The following CACNA1I variants were observed in gnomAD, a reference collection of about 807,000 sequenced individuals.
The protein encoded by CACNA1I is calcium voltage-gated channel subunit alpha1 I.
Under a neutral mutation model 201.6 loss-of-function variants are expected in CACNA1I, and 74 were observed. That is an observed-to-expected ratio of 0.37 (90% CI 0.30 to 0.45). The LOEUF is 0.45. Ranked by LOEUF, CACNA1I falls within the 20% of genes least tolerant of loss-of-function variation. The probability of loss-of-function intolerance (pLI) is 1.00; values close to 1 mark genes in which losing one functional copy is unlikely to be tolerated. For missense variants in CACNA1I, 2,346 were observed against 3,138.1 expected (o/e 0.75, Z 6.03); for synonymous variants, 1,431 against 1,345.2 (o/e 1.06, Z -1.40).
chr22:39,613,005 C>T (rs1387547439), intron 3 of CACNA1I, among the ~76,000 whole-genome samples: 3 of 152,186 alleles, frequency 2.0e-5, no homozygotes, highest in Non-Finnish European at 4.4e-5. Flanking sequence ...GCTTCCCTTC[C>T]ATTAGCTACA....
intron 32 of CACNA1I, 70 bp downstream of exon 32, chr22:39,679,515 G>C: frequency 8.4e-7 from 1 of 1,184,274 alleles, no homozygotes; most frequent in Non-Finnish European, 1.1e-6. Flanking sequence ...GGGCAGCAGG[G>C]CCAGGGAGGC....
At chr22:39,673,528 A>T (rs981034137) in intron 28 of CACNA1I, among the ~76,000 whole-genome samples, 10 of 152,184 alleles carry the variant, frequency 6.6e-5, no homozygotes, top group Non-Finnish European at 1.3e-4. Flanking sequence ...TTCTTTTAAA[A>T]GCCTCCTGCC....
chr22:39,600,662 C>G lies in CACNA1I; in HGVS notation c.482+9C>G, dbSNP rs780864915. On this transcript the variant is annotated intron_variant, in intron 3 of 36. Coordinates refer to ENST00000402142, the MANE Select transcript of CACNA1I (RefSeq NM_021096.4). ...TTCATCGTCATGGCAGGGTAGGTAG[C>G]GCCCGCCAGGCAGGTCCTAGCCTCT... is the stretch of plus-strand genomic sequence containing the variant. The G allele has an allele frequency of 6.3e-7, 1 of 1,593,234 alleles. No individual in the cohort carries two copies. Among genetic ancestry groups the G allele is most frequent in the South Asian group, 1.1e-5 (1 of 87,340 alleles).
At chr22:39,616,076 G>A (rs187475313) in intron 3 of CACNA1I, among the ~76,000 whole-genome samples, 71 of 152,342 alleles carry the variant, frequency 4.7e-4, no homozygotes, top group Non-Finnish European at 2.6e-4. Context: ...GACATAGACT[G>A]CAGGTGTGTT....
Position 39,665,564 on chromosome 22 carries a change from C to T in CACNA1I, c.3918C>T (p.Ile1306=), listed in dbSNP as rs60265031. The change falls in exon 22 of 37, where the codon ATC becomes ATT. Residue 1306 remains isoleucine (I), a synonymous_variant. Coordinates refer to ENST00000402142, the MANE Select transcript of CACNA1I (RefSeq NM_021096.4). This position sits in a 1 kb window ranked among gnomAD's most constrained non-coding sequence, Gnocchi z 5.5. ...VETLISSLKP[I]GNIVLICCAF... ...CACTCATCTCCTCCCTCAAGCCCAT[C>T]GGCAACATCGTGCTCATCTGCTGTG... 26 of 1,613,724 alleles carry T rather than the reference C, an allele frequency of 1.6e-5. No homozygotes were observed. The highest frequency in any genetic ancestry group is 1.5e-4 in the African/African-American group (11 of 74,902).
In CACNA1I at chr22:39,685,695, G is replaced by A; in HGVS notation, c.6028-66G>A. The A allele has an allele frequency of 7.6e-7, 1 of 1,313,712 alleles. No homozygotes were observed. The highest frequency in any genetic ancestry group is 9.9e-7 in the Non-Finnish European group (1 of 1,013,604). The allele number at this position is 1,313,712 out of a possible 1,614,324, so 81.4% of individuals were successfully genotyped here. A position where few individuals can be genotyped will look rare whatever the true frequency, so the allele number is the denominator to read the frequency against. On this transcript the variant is annotated intron_variant, in intron 36 of 36. Coordinates refer to ENST00000402142, the MANE Select transcript of CACNA1I (RefSeq NM_021096.4). This position sits in a 1 kb window ranked among gnomAD's most constrained non-coding sequence, Gnocchi z 5.0. ...CCTGCTGCCTGCTGTGCGGGGGAGG[G>A]CGGCGTCCAGGTTGCTGGGGTGGGG...
chr22:39,648,052 T>C lies in CACNA1I; in HGVS notation c.1567+126T>C. On this transcript the variant is annotated intron_variant, in intron 9 of 36. Transcript: ENST00000402142. The surrounding 1 kb of genome is among the most constrained non-coding windows in gnomAD (Gnocchi z 5.4). ...GAGCAGCCGCGACCCTCTGCAGGCC[T>C]GTCTCCCTCTATAAAGTGAGGACAG... 2.5e-6 allele frequency: 2 copies of C among 796,542 alleles called. No individual in the cohort carries two copies. Among genetic ancestry groups the C allele is most frequent in the African/African-American group, 1.7e-5 (1 of 58,172 alleles). 49.3% of individuals were successfully genotyped at this position (796,542 alleles called of 1,614,324 possible). A position where few individuals can be genotyped will look rare whatever the true frequency, so the allele number is the denominator to read the frequency against.
At position 39,648,466 on chromosome 22, in the gene CACNA1I, C is replaced by T. The variant is rs894206536; in HGVS notation, c.1567+540C>T. 7.2e-5 allele frequency among the ~76,000 whole-genome samples: 11 copies of T among 152,106 alleles called. No individual in the cohort carries two copies. Among genetic ancestry groups the T allele is most frequent in the African/African-American group, 2.4e-4 (10 of 41,456 alleles). On this transcript the variant is annotated intron_variant, in intron 9 of 36. Coordinates refer to ENST00000402142, the MANE Select transcript of CACNA1I (RefSeq NM_021096.4). This position sits in a 1 kb window ranked among gnomAD's most constrained non-coding sequence, Gnocchi z 5.4. ...GCCCTGGAAAACGAGAGTTGGCTGT[C>T]GCCCCACGTCCAGGTGGGAGCAGTG... is the stretch of plus-strand genomic sequence containing the variant.
chr22:39,662,921 G>T, intron 18 of CACNA1I, 45 bp downstream of exon 18: 1 of 1,261,846 alleles, frequency 7.9e-7, no homozygotes, highest in Non-Finnish European at 1.1e-6. Context: ...TAGGGGTAAC[G>T]TGGGAGGGAC....
intron 4 of CACNA1I, among the ~76,000 whole-genome samples, chr22:39,625,919 A>G (rs2146401723): frequency 6.6e-6 from 1 of 152,196 alleles, no homozygotes; most frequent in African/African-American, 2.4e-5. Context: ...TACATATGAA[A>G]AGTGCTGTTT....
In CACNA1I at chr22:39,679,171, C is replaced by T. The variant is rs1320935267; in HGVS notation, c.5120C>T (p.Pro1707Leu). 2 of 1,591,398 alleles carry T rather than the reference C, an allele frequency of 1.3e-6. No individual in the cohort carries two copies. The highest frequency in any genetic ancestry group is 8.5e-7 in the Non-Finnish European group (1 of 1,170,154). ...SCLSSLQFVS[P>L]LYFVSFVLTA... The stretch of plus-strand genomic sequence containing the variant: ...CTGAGCAGCCTGCAGTTTGTGTCGC[C>T]GCTGTACTTCGTGAGCTTCGTGCTC... Residue 1707 changes from proline to leucine, a missense_variant, in exon 32 of 37, where the codon CCG becomes CTG. Pro to Leu is a moderately conservative substitution (Grantham distance 98). This residue lies in a region of CACNA1I where 64 missense variants were observed against 131.8 expected (regional missense o/e 0.49). Transcript: ENST00000402142.
At chr22:39,656,248 T>C (rs1210391463) in intron 10 of CACNA1I, among the ~76,000 whole-genome samples, 4 of 152,096 alleles carry the variant, frequency 2.6e-5, no homozygotes, top group Non-Finnish European at 5.9e-5. Flanking sequence ...ATCCTCCTTT[T>C]AACCCACATG....
intron 1 of CACNA1I, among the ~76,000 whole-genome samples, chr22:39,597,747 C>G (rs1340538567): frequency 6.6e-6 from 1 of 152,198 alleles, no homozygotes; most frequent in Non-Finnish European, 1.5e-5. Context: ...ACGGAGGGAA[C>G]ATGGGTCAGG....
At position 39,605,638 on chromosome 22, in the gene CACNA1I, A is replaced by G. The variant is rs541608458; in HGVS notation, c.482+4985A>G. Among the ~76,000 whole-genome samples, 32 of 152,298 alleles carry G rather than the reference A, an allele frequency of 2.1e-4. No homozygotes were observed. In the South Asian group the frequency reaches 4.3e-3, roughly 21 times the overall value. Reference sequence around the variant, plus strand: ...AGAAATAAAACACATCACCACAACTAAAGTCTAAATTGGGATCCATGCTGT... The same window carrying G: ...AGAAATAAAACACATCACCACAACTGAAGTCTAAATTGGGATCCATGCTGT... On this transcript the variant is annotated intron_variant, in intron 3 of 36. Coordinates refer to ENST00000402142, the MANE Select transcript of CACNA1I (RefSeq NM_021096.4).
chr22:39,572,175 A>G (rs1212737760), intron 1 of CACNA1I, among the ~76,000 whole-genome samples: 4 of 151,866 alleles, frequency 2.6e-5, no homozygotes, highest in East Asian at 3.9e-4. Context: ...GGGTCTGGAG[A>G]GATCTGTGCT....
intron 7 of CACNA1I, among the ~76,000 whole-genome samples, chr22:39,645,405 G>A (rs1472119685): frequency 6.6e-6 from 1 of 152,210 alleles, no homozygotes; most frequent in East Asian, 1.9e-4. Flanking sequence ...AGCAGCTGCA[G>A]AGGCAGGGGC....
At chr22:39,575,097 C>G (rs999196175) in intron 1 of CACNA1I, among the ~76,000 whole-genome samples, 1 of 152,256 alleles carries the variant, frequency 6.6e-6, no homozygotes, top group East Asian at 1.9e-4. Context: ...TGGCCTGGGC[C>G]GTGGGCATGG....
At chr22:39,673,149 G>A in intron 28 of CACNA1I, 67 bp downstream of exon 28, 1 of 561,060 alleles carries the variant, frequency 1.8e-6, no homozygotes, top group Non-Finnish European at 3.1e-6. Context: ...CTCATTGCCT[G>A]ATGAGAACAC....
Position 39,682,554 on chromosome 22 carries a change from C to G in CACNA1I, c.5723C>G (p.Pro1908Arg). The G allele has an allele frequency of 6.2e-7, 1 of 1,613,816 alleles. No individual in the cohort carries two copies. The highest frequency in any genetic ancestry group is 8.5e-7 in the Non-Finnish European group (1 of 1,179,868). ...RVGDLGECFF[P>R]LSSTAVSPDP... ...GGAGACCTGGGCGAATGCTTCTTCC[C>G]CTTGTCCTCTACGGCCGTCTCGCCG... The change falls in exon 35 of 37, where the codon CCC becomes CGC. Residue 1908 changes from proline (P) to arginine (R), a missense_variant. Pro to Arg is a moderately radical substitution (Grantham distance 103). This residue lies in a region of CACNA1I where 441 missense variants were observed against 555.6 expected (regional missense o/e 0.79). Transcript: ENST00000402142.
Sources: allele counts gnomAD v4.1 joint callset (sites outside exome capture counted in the v4.1 genomes callset), GRCh38; gene constraint gnomAD v4.1.1; regional missense constraint gnomAD v4.1.1; non-coding constraint Gnocchi (gnomAD v3.1); transcripts MANE v1.5; gene names NCBI Gene and HGNC (gene_info 2026-07-23, HGNC 2026-07-21).